Variants in RBMS3 observed in about 807,000 individuals in gnomAD.
The protein encoded by RBMS3 is RNA-binding motif, single-stranded-interacting protein 3.
RBMS3 carries 27 observed loss-of-function variants against 66.8 expected under a neutral mutation model. That is an observed-to-expected ratio of 0.40 (90% CI 0.30 to 0.56). The LOEUF (loss-of-function observed/expected upper bound fraction) is 0.56, where lower values mean the gene tolerates loss of function less well. Ranked by LOEUF, RBMS3 falls within the 20% of genes least tolerant of loss-of-function variation. The pLI is 0.40. For missense variants in RBMS3, 513 were observed against 549.5 expected, an observed-to-expected ratio of 0.93 and a Z score of 0.66; for synonymous variants, 188 against 183.0, an observed-to-expected ratio of 1.03 and a Z score of -0.22.
intron 12 of RBMS3, among the ~76,000 whole-genome samples, chr3:29,959,071 G>A (rs961640773): frequency 2.6e-5 from 4 of 152,156 alleles, no homozygotes; most frequent in Non-Finnish European, 4.4e-5. Flanking sequence ...TGAGCAGGCA[G>A]CATATGGTGA....
chr3:29,995,372 T>A (rs1243760943), intron 14 of RBMS3, among the ~76,000 whole-genome samples: 4 of 152,222 alleles, frequency 2.6e-5, no homozygotes, highest in African/African-American at 9.6e-5. Flanking sequence ...TTCCCCCATC[T>A]AGCAAGGCAG....
intron 3 of RBMS3, among the ~76,000 whole-genome samples, chr3:29,545,618 T>C (rs572077364): frequency 1.3e-5 from 2 of 152,152 alleles, no homozygotes; most frequent in East Asian, 3.9e-4. Context: ...AAAGAAATAG[T>C]GTGTTGTATT....
chr3:29,619,354 T>G (rs912451633), intron 4 of RBMS3, among the ~76,000 whole-genome samples: 6 of 152,156 alleles, frequency 3.9e-5, no homozygotes, highest in African/African-American at 1.2e-4. Flanking sequence ...CCTTTAAAAT[T>G]TGTGATGTAC....
Position 29,488,454 on chromosome 3 carries a change from G to T in RBMS3, c.262G>T (p.Val88Leu), listed in dbSNP as rs753842481. 6.2e-7 allele frequency: 1 copy of T among 1,609,692 alleles called. No individual in the cohort carries two copies. Among genetic ancestry groups the T allele is most frequent in the South Asian group, 1.1e-5 (1 of 90,986 alleles). The stretch of plus-strand genomic sequence containing the variant: ...TCTCTCTTTCAGGTATGGAAAAATT[G>T]TATCTACAAAGGCAATTCTTGACAA... ...IKLCQPYGKI[V>L]STKAILDKNT... The change falls in exon 3 of 15, where the codon GTA (valine) becomes TTA (leucine). Residue 88 changes from valine to leucine, a missense_variant. By Grantham distance (32) the Val-to-Leu change is conservative (BLOSUM62 1). Transcript: ENST00000383767.
intron 10 of RBMS3, among the ~76,000 whole-genome samples, chr3:29,905,167 T>C (rs2149618481): frequency 6.6e-6 from 1 of 152,172 alleles, no homozygotes; most frequent in African/African-American, 2.4e-5. Context: ...AAAGCATCCA[T>C]AGACAATACA....
intron 1 of RBMS3, among the ~76,000 whole-genome samples, chr3:29,368,519 A>G (rs2038026568): frequency 6.6e-6 from 1 of 151,880 alleles, no homozygotes; most frequent in Non-Finnish European, 1.5e-5. Context: ...AATCTGAGCT[A>G]TTTTTCACAT....
chr3:29,601,274 C>A (rs2048133775), intron 4 of RBMS3, among the ~76,000 whole-genome samples: 1 of 151,902 alleles, frequency 6.6e-6, no homozygotes, highest in Non-Finnish European at 1.5e-5. Flanking sequence ...TTGCTAATAA[C>A]CATCACAGAA....
intron 1 of RBMS3, among the ~76,000 whole-genome samples, chr3:29,330,262 T>C (rs1447730273): frequency 6.6e-6 from 1 of 152,192 alleles, no homozygotes; most frequent in East Asian, 1.9e-4. Flanking sequence ...CCTTCCTGGA[T>C]TCCCATGGTC....
At chr3:29,691,773 C>T (rs532614285) in intron 4 of RBMS3, among the ~76,000 whole-genome samples, 1 of 152,042 alleles carries the variant, frequency 6.6e-6, no homozygotes, top group East Asian at 1.9e-4. Flanking sequence ...TGGAAAAAAA[C>T]ACTGAAAATA....
intron 11 of RBMS3, among the ~76,000 whole-genome samples, chr3:29,938,984 G>T (rs1047768491): frequency 2.0e-5 from 3 of 151,978 alleles, no homozygotes; most frequent in African/African-American, 7.2e-5. Flanking sequence ...CAAATGAGCT[G>T]CTCATACCCT....
chr3:29,746,540 T>A (rs2054901176), intron 5 of RBMS3, among the ~76,000 whole-genome samples: 1 of 152,236 alleles, frequency 6.6e-6, no homozygotes, highest in Non-Finnish European at 1.5e-5. Context: ...GAGAGTATAC[T>A]CCTGGACCCC....
intron 3 of RBMS3, among the ~76,000 whole-genome samples, chr3:29,560,971 A>T (rs953523499): frequency 6.6e-6 from 1 of 152,282 alleles, no homozygotes; most frequent in Admixed American, 6.5e-5. Context: ...GCTCCAACTT[A>T]TAAGTGATAA....
chr3:29,605,241 A>G (rs1559503873), intron 4 of RBMS3, among the ~76,000 whole-genome samples: 1 of 151,870 alleles, frequency 6.6e-6, no homozygotes, highest in Non-Finnish European at 1.5e-5. Flanking sequence ...AGAAAAAATG[A>G]AACATTTTAC....
At chr3:29,698,623 G>C in intron 4 of RBMS3, 1 of 984,568 alleles carries the variant, frequency 1.0e-6, no homozygotes, top group Non-Finnish European at 1.2e-6. Flanking sequence ...GGACAAGTGA[G>C]TACAATCATA....
intron 4 of RBMS3, among the ~76,000 whole-genome samples, chr3:29,654,426 A>G (rs2050249578): frequency 6.6e-6 from 1 of 151,996 alleles, no homozygotes; most frequent in African/African-American, 2.4e-5. Flanking sequence ...ATCACTACTC[A>G]TCTACAGTAA....
chr3:29,539,946 G>A (rs191513692), intron 3 of RBMS3, among the ~76,000 whole-genome samples: 1 of 152,240 alleles, frequency 6.6e-6, no homozygotes, highest in African/African-American at 2.4e-5. Context: ...TTTGCTCAAA[G>A]GTTTAGCAAT....
intron 1 of RBMS3, among the ~76,000 whole-genome samples, chr3:29,341,752 A>G (rs1051917566): frequency 6.6e-6 from 1 of 152,164 alleles, no homozygotes; most frequent in Non-Finnish European, 1.5e-5. Context: ...ATCCTTTATA[A>G]GAATTTCTGC....
intron 10 of RBMS3, among the ~76,000 whole-genome samples, chr3:29,931,983 G>A (rs1382139457): frequency 2.0e-5 from 3 of 151,996 alleles, no homozygotes; most frequent in South Asian, 4.1e-4. Flanking sequence ...ATTTAGATAA[G>A]ACAGCAGAAA....
chr3:29,373,804 T>C (rs938502837), intron 1 of RBMS3, among the ~76,000 whole-genome samples: 5 of 152,162 alleles, frequency 3.3e-5, no homozygotes, highest in Non-Finnish European at 7.4e-5. Flanking sequence ...AAGGGTTGTA[T>C]AGGGGTGGGT....
Sources: allele counts gnomAD v4.1 joint callset (sites outside exome capture counted in the v4.1 genomes callset), GRCh38; gene constraint gnomAD v4.1.1; transcripts MANE v1.5; gene names NCBI Gene and HGNC (gene_info 2026-07-23, HGNC 2026-07-21).